Variants in ENPP2 observed in about 807,000 individuals in gnomAD.
The protein encoded by ENPP2 is autotaxin.
In ENPP2, 51 loss-of-function variants were observed where a neutral mutation model predicts 120.2. That is an observed-to-expected ratio of 0.42 (90% CI 0.34 to 0.54). The LOEUF (loss-of-function observed/expected upper bound fraction) is 0.54, where lower values mean the gene tolerates loss of function less well. Ranked by LOEUF, ENPP2 falls within the 20% of genes least tolerant of loss-of-function variation. ENPP2 has a pLI of 0.04. For synonymous variants in ENPP2, 365 were observed against 366.4 expected (o/e 1.00, Z 0.04); for missense variants, 920 against 1,066.5 (o/e 0.86, Z 1.91).
chr8:119,574,724 T>A (rs968153193), intron 19 of ENPP2, among the ~76,000 whole-genome samples: 10 of 152,138 alleles, frequency 6.6e-5, no homozygotes, highest in Non-Finnish European at 1.0e-4. Flanking sequence ...TCCTCTTTTT[T>A]GTTTTTTTAA....
intron 24 of ENPP2, 41 bp downstream of exon 24, chr8:119,562,816 C>G: frequency 3.8e-6 from 6 of 1,585,730 alleles, no homozygotes; most frequent in Non-Finnish European, 5.2e-6. Flanking sequence ...CGAAGGTGAA[C>G]TATGGAAGCA....
intron 22 of ENPP2, among the ~76,000 whole-genome samples, chr8:119,566,280 A>G (rs1402775911): frequency 6.6e-6 from 1 of 152,164 alleles, no homozygotes; most frequent in African/African-American, 2.4e-5. Context: ...ATAGGCAAGC[A>G]ATGGGTTGGT....
chr8:119,635,090 A>T (rs988833759), intron 2 of ENPP2, among the ~76,000 whole-genome samples: 1 of 152,214 alleles, frequency 6.6e-6, no homozygotes, highest in African/African-American at 2.4e-5. Flanking sequence ...GCATTCTCCC[A>T]TGCCAACATT....
chr8:119,618,239 G>T (rs552242406), intron 5 of ENPP2: 1 of 479,998 alleles, frequency 2.1e-6, no homozygotes, highest in Non-Finnish European at 4.1e-6. Flanking sequence ...GATCATTTTT[G>T]TTCCGGGGAT....
chr8:119,584,114 T>C, intron 15 of ENPP2, 65 bp from the exon 16 acceptor site: 2 of 1,116,748 alleles, frequency 1.8e-6, no homozygotes, highest in Non-Finnish European at 2.7e-6. Context: ...AAAAAGGTAA[T>C]TTCAGGGTAC....
intron 3 of ENPP2, among the ~76,000 whole-genome samples, chr8:119,625,650 C>T (rs897130201): frequency 6.6e-6 from 1 of 152,166 alleles, no homozygotes; most frequent in African/African-American, 2.4e-5. Context: ...ATGTCAAGAA[C>T]AGCATTGACG....
At chr8:119,625,212 C>CA (rs879802084) in intron 3 of ENPP2, among the ~76,000 whole-genome samples, 29 of 152,100 alleles carry the variant, frequency 1.9e-4, no homozygotes, top group East Asian at 5.8e-4. Context: ...GTTTTAGAGC[C>CA]AAAAAAACTC....
chr8:119,568,204 T>C lies in ENPP2; in HGVS notation c.2102A>G (p.Asn701Ser). 1 of 1,594,582 alleles carries C rather than the reference T, an allele frequency of 6.3e-7. No individual in the cohort carries two copies. Among genetic ancestry groups the C allele is most frequent in the Non-Finnish European group, 8.6e-7 (1 of 1,162,570 alleles). ...EAKYDAFLVT[N>S]MVPMYPAFKR... ...GAAAGCAGGATACATTGGAACCATATTGGTTACAAGGAATGCATCATATTT... is the reference window on the plus strand; with the variant it reads ...GAAAGCAGGATACATTGGAACCATACTGGTTACAAGGAATGCATCATATTT... Residue 701 changes from asparagine (N) to serine (S), a missense_variant, in exon 22 of 25, where the codon AAT (asparagine) becomes AGT (serine). Transcript: ENST00000075322.
chr8:119,601,178 G>C (rs1814277389), intron 10 of ENPP2, among the ~76,000 whole-genome samples: 1 of 152,208 alleles, frequency 6.6e-6, no homozygotes, highest in African/African-American at 2.4e-5. Context: ...CTCTGCTGTA[G>C]TGGACAGAAT....
At chr8:119,586,093 C>T in intron 15 of ENPP2, 93 bp downstream of exon 15, 1 of 1,357,644 alleles carries the variant, frequency 7.4e-7, no homozygotes, top group Non-Finnish European at 1.0e-6. Flanking sequence ...ACTGATATTT[C>T]TTTCAGTGAT....
At chr8:119,579,391 T>C (rs1359320246) in intron 19 of ENPP2, among the ~76,000 whole-genome samples, 2 of 152,162 alleles carry the variant, frequency 1.3e-5, no homozygotes, top group African/African-American at 4.8e-5. Context: ...TAAGACACAG[T>C]GCACAGTTCT....
intron 3 of ENPP2, among the ~76,000 whole-genome samples, chr8:119,622,403 A>G (rs1434124788): frequency 2.6e-5 from 4 of 152,364 alleles, no homozygotes; most frequent in East Asian, 1.9e-4. Flanking sequence ...GGTCCTACCT[A>G]CAATGACAGG....
Position 119,638,787 on chromosome 8 carries a change from G to C in ENPP2, c.-7C>G. 1 of 1,613,380 alleles carries C rather than the reference G, an allele frequency of 6.2e-7. No homozygotes were observed. Among genetic ancestry groups the C allele is most frequent in the South Asian group, 1.1e-5 (1 of 91,062 alleles). ...ACGAGCTCCTCCTTGCCATGTCGAGGATTCTTGGAAAGCCTTTTGCAGCGT... is the reference window on the plus strand; with the variant it reads ...ACGAGCTCCTCCTTGCCATGTCGAGCATTCTTGGAAAGCCTTTTGCAGCGT... On this transcript the variant is annotated 5_prime_UTR_variant, in exon 1 of 25. In the 5' UTR this introduces an upstream ATG that the reference lacks. Coordinates refer to ENST00000075322, the MANE Select transcript of ENPP2 (RefSeq NM_001040092.3).
chr8:119,611,388 G>A (rs1474754954), intron 8 of ENPP2, among the ~76,000 whole-genome samples: 2 of 152,162 alleles, frequency 1.3e-5, no homozygotes, highest in Non-Finnish European at 2.9e-5. Flanking sequence ...CAATCGCTGA[G>A]AATCAGAACA....
intron 1 of ENPP2, among the ~76,000 whole-genome samples, chr8:119,671,132 C>CAA (rs371191607): frequency 0.15 from 17,065 of 115,096 alleles, 1,500 homozygotes; most frequent in South Asian, 0.28. Context: ...ACTAAAAATA[C>CAA]AAAAAAAAAA....
At chr8:119,632,963 T>A (rs1816773805) in intron 2 of ENPP2, among the ~76,000 whole-genome samples, 1 of 152,086 alleles carries the variant, frequency 6.6e-6, no homozygotes. Flanking sequence ...CAGCTAGGGC[T>A]GAGGCAAGAG....
chr8:119,659,132 T>C (rs1817846947), intron 1 of ENPP2, among the ~76,000 whole-genome samples: 1 of 151,844 alleles, frequency 6.6e-6, no homozygotes, highest in African/African-American at 2.4e-5. Context: ...CTGGGCAACA[T>C]GGCAAAACCC....
intron 13 of ENPP2, among the ~76,000 whole-genome samples, chr8:119,587,280 A>G (rs1184862446): frequency 2.0e-5 from 3 of 152,184 alleles, no homozygotes; most frequent in Non-Finnish European, 4.4e-5. Flanking sequence ...AACAAATCCT[A>G]TAGTAAACTG....
upstream of ENPP2, among the ~76,000 whole-genome samples, chr8:119,639,420 T>C (rs865933651): frequency 1.2e-4 from 18 of 152,318 alleles, no homozygotes; most frequent in Middle Eastern, 3.4e-3. Flanking sequence ...TTCGCAAAAT[T>C]GTAACTAACA....
Sources: gnomAD v4.1 joint callset for allele counts (sites outside exome capture counted in the v4.1 genomes callset) on GRCh38, gnomAD v4.1.1 for gene constraint, MANE v1.5 for transcripts, NCBI Gene and HGNC (gene_info 2026-07-23, HGNC 2026-07-21) for gene names.